DOCK8: variants seen among roughly 807,000 people sequenced by gnomAD.
DOCK8 encodes dedicator of cytokinesis 8.
In DOCK8, 141 loss-of-function variants were observed where a neutral mutation model predicts 245.6. The ratio of observed to expected loss-of-function variants is 0.57; its 90% confidence interval spans 0.50 to 0.66. DOCK8 has a LOEUF of 0.66. Ranked by LOEUF, DOCK8 falls within the 30% of genes least tolerant of loss-of-function variation. The pLI, the probability that DOCK8 is intolerant of heterozygous loss-of-function variation, is 0.00. For synonymous variants in DOCK8, 1,168 were observed against 970.2 expected (o/e 1.20, Z -3.79); for missense variants, 2,965 against 2,603.4 (o/e 1.14, Z -3.02).
rs773229534 is a variant in DOCK8 at position 214,973 on chromosome 9, G to T, written c.-4G>T. 2 of 1,601,668 alleles carry T rather than the reference G, an allele frequency of 1.2e-6. No homozygotes were observed. Among genetic ancestry groups the T allele is most frequent in the Non-Finnish European group, 1.7e-6 (2 of 1,176,660 alleles). On this transcript the variant is annotated 5_prime_UTR_variant, in exon 1 of 48. Transcript: ENST00000432829. ...CCTAGAAGCCACCGAACCGCCGGCGGGCCATGGCCACTCTGCCGAGCGCAG... is the reference window on the plus strand; with the variant it reads ...CCTAGAAGCCACCGAACCGCCGGCGTGCCATGGCCACTCTGCCGAGCGCAG...
chr9:315,865 C>G (rs925396469), intron 6 of DOCK8, among the ~76,000 whole-genome samples: 1 of 152,220 alleles, frequency 6.6e-6, no homozygotes, highest in Non-Finnish European at 1.5e-5. Context: ...ATGAGTGTCT[C>G]TACCTTCAGG....
intron 4 of DOCK8, among the ~76,000 whole-genome samples, chr9:298,988 T>C (rs2049402861): frequency 6.6e-6 from 1 of 152,216 alleles, no homozygotes; most frequent in African/African-American, 2.4e-5. Context: ...TAAATTAATG[T>C]TAGATAAATT....
intron 2 of DOCK8, among the ~76,000 whole-genome samples, chr9:275,647 G>GATGTGATTTCT (rs1269037367): frequency 6.6e-6 from 1 of 151,858 alleles, no homozygotes. Flanking sequence ...GGAGTGCAGT[G>GATGTGATTTCT]GCGCAATCTT....
intron 1 of DOCK8, among the ~76,000 whole-genome samples, chr9:261,997 G>GCGAAAGAAAGAA (rs1554648146): frequency 3.1e-4 from 46 of 146,852 alleles, no homozygotes; most frequent in African/African-American, 1.1e-3. Context: ...AAGAAAGAAG[G>GCGAAAGAAAGAA]AGAAAGAAAG....
At chr9:253,249 AT>A (rs2047693065) in intron 1 of DOCK8, among the ~76,000 whole-genome samples, 1 of 152,188 alleles carries the variant, frequency 6.6e-6, no homozygotes, top group Non-Finnish European at 1.5e-5. Context: ...TTTAGTTTGT[AT>A]GTTATTCTCT....
chr9:383,614 C>T (rs1241680344), intron 22 of DOCK8, among the ~76,000 whole-genome samples: 1 of 147,588 alleles, frequency 6.8e-6, no homozygotes, highest in Non-Finnish European at 1.5e-5. Flanking sequence ...GCAGGAGAAT[C>T]ACGTGAACAC....
chr9:267,360 C>T (rs1490185907), intron 1 of DOCK8, among the ~76,000 whole-genome samples: 1 of 152,170 alleles, frequency 6.6e-6, no homozygotes, highest in African/African-American at 2.4e-5. Context: ...CACACACCAC[C>T]ATACCTGGCT....
rs935222298 is a variant in DOCK8 at position 390,482 on chromosome 9, G to A, written c.2886G>A (p.Glu962=). ...PRPASKKHFH[E]ELALQMVVST... Reference sequence around the variant, plus strand: ...TGGTTCTTATTTAGCATTTCCATGAGGAGCTTGCCCTTCAGATGGTGGTCA... The same window carrying A: ...TGGTTCTTATTTAGCATTTCCATGAAGAGCTTGCCCTTCAGATGGTGGTCA... The change falls in exon 24 of 48, where the codon GAG becomes GAA. Residue 962 remains glutamate, a synonymous_variant. Coordinates refer to ENST00000432829, the MANE Select transcript of DOCK8 (RefSeq NM_203447.4). 6.2e-7 allele frequency: 1 copy of A among 1,614,164 alleles called. No homozygotes were observed. Among genetic ancestry groups the A allele is most frequent in the Non-Finnish European group, 8.5e-7 (1 of 1,179,980 alleles).
rs1275099153 is a variant in DOCK8, at chr9:340,236, C to A, written c.1594C>A (p.Pro532Thr). 5 of 1,614,136 alleles carry A rather than the reference C, an allele frequency of 3.1e-6. No individual in the cohort carries two copies. The highest frequency in any genetic ancestry group is 4.2e-6 in the Non-Finnish European group (5 of 1,180,016). ...CLTPEMLPVK[P>T]FPENRTRPHK... The stretch of plus-strand genomic sequence containing the variant: ...GACTCCTGAAATGCTGCCCGTGAAA[C>A]CCTTTCCTGAAAACCGGACACGCCC... The change falls in exon 14 of 48, where the codon CCC (proline) becomes ACC (threonine). Residue 532 changes from proline (P) to threonine (T), a missense_variant. This residue lies in a region of DOCK8 where 2,825 missense variants were observed against 2,453.5 expected (regional missense o/e 1.15). Coordinates refer to ENST00000432829, the MANE Select transcript of DOCK8 (RefSeq NM_203447.4).
At chr9:291,004 T>C (rs904512478) in intron 4 of DOCK8, among the ~76,000 whole-genome samples, 8 of 152,182 alleles carry the variant, frequency 5.3e-5, no homozygotes, top group African/African-American at 1.9e-4. Flanking sequence ...TGTTCTAAAA[T>C]GAATGGAAAA....
intron 42 of DOCK8, among the ~76,000 whole-genome samples, 153 bp from the exon 43 acceptor site, chr9:443,274 G>T (rs774821639): frequency 3.9e-5 from 6 of 152,192 alleles, no homozygotes; most frequent in Non-Finnish European, 5.9e-5. Flanking sequence ...CTTAGGAAAT[G>T]CTGAACTTTG....
intron 25 of DOCK8, 144 bp downstream of exon 25, chr9:397,078 C>G (rs756244917): frequency 5.4e-5 from 56 of 1,031,990 alleles, no homozygotes; most frequent in Non-Finnish European, 7.0e-5. Flanking sequence ...TTATACTGGA[C>G]TGGACCCTGA....
At chr9:384,906 A>C (rs937207936) in intron 22 of DOCK8, among the ~76,000 whole-genome samples, 1 of 152,228 alleles carries the variant, frequency 6.6e-6, no homozygotes, top group African/African-American at 2.4e-5. Context: ...GCAGAGCGAG[A>C]CTACGTCTAA....
At chr9:335,083 A>C (rs2051246413) in intron 11 of DOCK8, among the ~76,000 whole-genome samples, 1 of 152,080 alleles carries the variant, frequency 6.6e-6, no homozygotes, top group Non-Finnish European at 1.5e-5. Flanking sequence ...CTTTGTCTCA[A>C]AAAAAAAGAA....
At chr9:368,376 TAA>T in intron 15 of DOCK8, 1 of 694,484 alleles carries the variant, frequency 1.4e-6, no homozygotes, top group South Asian at 1.5e-5. Flanking sequence ...TTTAGAGGAT[TAA>T]AAAAAGTCAT....
rs530882437 is a variant in DOCK8, at chr9:254,418, C to G, written c.54-17209C>G. Among the ~76,000 whole-genome samples the G allele has an allele frequency of 2.0e-5, 3 of 152,330 alleles. No homozygotes were observed. The South Asian group carries it at 6.2e-4, about 32-fold the overall frequency. The stretch of plus-strand genomic sequence containing the variant: ...TGAAGCGTACCCTATAATTATTCAG[C>G]AGGTATAGTCCAGTTCGTCCTACTT... On this transcript the variant is annotated intron_variant, in intron 1 of 47. Transcript: ENST00000432829.
At chr9:390,412 G>A (rs537914702) in intron 23 of DOCK8, 59 bp from the exon 24 acceptor site, 2 of 1,477,132 alleles carry the variant, frequency 1.4e-6, no homozygotes, top group Non-Finnish European at 1.9e-6. Flanking sequence ...AAGAAAAAAA[G>A]TGTTGGTGAA....
chr9:234,507 C>T (rs2047201236), intron 1 of DOCK8, among the ~76,000 whole-genome samples: 1 of 152,182 alleles, frequency 6.6e-6, no homozygotes, highest in African/African-American at 2.4e-5. Flanking sequence ...AACTTGGTTC[C>T]ATTCTCCCTG....
At chr9:384,516 G>A (rs751570022) in intron 22 of DOCK8, among the ~76,000 whole-genome samples, 1 of 152,210 alleles carries the variant, frequency 6.6e-6, no homozygotes, top group Non-Finnish European at 1.5e-5. Context: ...GCCCCGCTGT[G>A]TGGCCATGGG....
Sources: allele counts gnomAD v4.1 joint callset (sites outside exome capture counted in the v4.1 genomes callset), GRCh38; gene constraint gnomAD v4.1.1; regional missense constraint gnomAD v4.1.1; transcripts MANE v1.5; gene names NCBI Gene and HGNC (gene_info 2026-07-23, HGNC 2026-07-21).